KLHL32: variants seen among roughly 807,000 people sequenced by gnomAD.
KLHL32 encodes the protein kelch like family member 32, also known as kelch-like protein 32.
A neutral mutation model predicts 64.8 loss-of-function variants in KLHL32; 35 were observed. The observed-to-expected ratio is 0.54, with a 90% confidence interval of 0.41 to 0.72. The LOEUF is 0.72. Ranked by LOEUF, KLHL32 falls within the 30% of genes least tolerant of loss-of-function variation. The pLI, the probability that KLHL32 is intolerant of heterozygous loss-of-function variation, is 0.00. For synonymous variants in KLHL32, 259 were observed against 281.0 expected (o/e 0.92, Z 0.78); for missense variants, 589 against 768.5 (o/e 0.77, Z 2.76).
chr6:96,997,970 C>T (rs768696276), intron 3 of KLHL32, among the ~76,000 whole-genome samples: 18 of 152,124 alleles, frequency 1.2e-4, no homozygotes, highest in Non-Finnish European at 2.5e-4. Context: ...ACCATTTCTG[C>T]TTCTCAGAAA....
Position 97,097,480 on chromosome 6 carries a change from T to A in KLHL32, c.627+12139T>A, listed in dbSNP as rs146873293. On this transcript the variant is annotated intron_variant, in intron 6 of 10. Transcript: ENST00000369261. ...AAATGAGAACGTGCAGTCTTGGATA[T>A]TGCACGGATATAGTTTGGCTGTCAA... Among the ~76,000 whole-genome samples, 244 of 152,330 alleles carry A rather than the reference T, an allele frequency of 1.6e-3. 5 individuals are homozygous for A. In the South Asian group the frequency reaches 0.023, roughly 14 times the overall value.
chr6:97,103,988 C>T (rs1796084449), intron 6 of KLHL32, among the ~76,000 whole-genome samples: 1 of 152,124 alleles, frequency 6.6e-6, no homozygotes, highest in Non-Finnish European at 1.5e-5. Flanking sequence ...AAAATGAGAG[C>T]CAAATAACTG....
intron 4 of KLHL32, among the ~76,000 whole-genome samples, chr6:97,042,685 C>T (rs993765300): frequency 2.0e-5 from 3 of 152,090 alleles, no homozygotes; most frequent in Middle Eastern, 3.2e-3. Context: ...CTATACAATG[C>T]ATTATTATTT....
chr6:97,086,435 G>A (rs191307292), intron 6 of KLHL32, among the ~76,000 whole-genome samples: 40 of 152,192 alleles, frequency 2.6e-4, no homozygotes, highest in African/African-American at 7.9e-4. Context: ...GAGCTGCAGC[G>A]TCCTGAAGGC....
At chr6:97,030,158 G>C (rs1031714611) in intron 3 of KLHL32, among the ~76,000 whole-genome samples, 1 of 152,172 alleles carries the variant, frequency 6.6e-6, no homozygotes, top group Non-Finnish European at 1.5e-5. Context: ...CTCCAAAGCT[G>C]CACATAGTTT....
intron 4 of KLHL32, among the ~76,000 whole-genome samples, chr6:97,063,680 G>T (rs964670404): frequency 6.6e-6 from 1 of 152,162 alleles, no homozygotes; most frequent in East Asian, 1.9e-4. Context: ...AACACTAGTT[G>T]CCTCACCCTG....
chr6:97,033,386 ATG>A (rs937420010), intron 3 of KLHL32, among the ~76,000 whole-genome samples: 17 of 152,048 alleles, frequency 1.1e-4, no homozygotes, highest in African/African-American at 4.1e-4. Context: ...TAATGTTCGT[ATG>A]TGTGTGTATG....
At position 97,130,925 on chromosome 6, in the gene KLHL32, C is replaced by A; in HGVS notation, c.1582C>A (p.Arg528Ser). Residue 528 changes from arginine to serine, a missense_variant, in exon 9 of 11, where the codon CGT (arginine) becomes AGT (serine). By Grantham distance (110) the Arg-to-Ser change is moderately radical (BLOSUM62 -1). This residue lies in a region of KLHL32 where 172 missense variants were observed against 192.0 expected (regional missense o/e 0.90). Transcript: ENST00000369261. Reference protein sequence around the residue: ...SYNIDTDQWTRCNFNLLTGQN... With the variant: ...SYNIDTDQWTSCNFNLLTGQN... ...CAACATAGACACTGACCAGTGGACA[C>A]GTTGTAATTTCAACCTGCTGACTGG... is the stretch of plus-strand genomic sequence containing the variant. The A allele has an allele frequency of 6.2e-7, 1 of 1,611,868 alleles. No homozygotes were observed.
At chr6:96,916,589 G>T in the KLHL32 span, among the ~76,000 whole-genome samples, 6 of 152,124 alleles carry the variant, frequency 3.9e-5, no homozygotes, top group Non-Finnish European at 7.3e-5. Flanking sequence ...GAGTCCTTGG[G>T]TCAAACTGCT....
Position 97,069,160 on chromosome 6 carries a change from A to G in KLHL32, c.411+4434A>G, listed in dbSNP as rs568565788. ...CGAGTAAAGCAAAGCCCAAATTCTT[A>G]CTATTCTTCACTCAGAAGCCAAGGA... On this transcript the variant is annotated intron_variant, in intron 5 of 10. Coordinates refer to ENST00000369261, the MANE Select transcript of KLHL32 (RefSeq NM_052904.4). Among the ~76,000 whole-genome samples the G allele has an allele frequency of 2.0e-5, 3 of 152,196 alleles. No individual in the cohort carries two copies. In the East Asian group the frequency reaches 5.8e-4, roughly 29 times the overall value.
intron 5 of KLHL32, among the ~76,000 whole-genome samples, chr6:97,075,418 T>C (rs1223874575): frequency 1.3e-5 from 2 of 152,220 alleles, no homozygotes; most frequent in Admixed American, 1.3e-4. Context: ...TTTTATCATA[T>C]TACAAGTTAT....
chr6:97,108,199 C>T (rs1316965061), intron 6 of KLHL32, among the ~76,000 whole-genome samples: 2 of 152,270 alleles, frequency 1.3e-5, no homozygotes, highest in Non-Finnish European at 2.9e-5. Flanking sequence ...ACCAAAAATG[C>T]TGCATGCTCC....
intron 7 of KLHL32, among the ~76,000 whole-genome samples, chr6:97,115,972 T>C (rs1797765859): frequency 7.5e-6 from 1 of 133,832 alleles, no homozygotes; most frequent in Admixed American, 7.3e-5. Context: ...TGCACTTCTT[T>C]AAATTCATTT....
At chr6:97,111,851 C>G (rs560179749) in intron 6 of KLHL32, among the ~76,000 whole-genome samples, 1 of 152,208 alleles carries the variant, frequency 6.6e-6, no homozygotes, top group African/African-American at 2.4e-5. Flanking sequence ...TAATCTTCCC[C>G]TGAAGTCTGG....
At chr6:97,092,171 A>G (rs1208226451) in intron 6 of KLHL32, among the ~76,000 whole-genome samples, 1 of 151,938 alleles carries the variant, frequency 6.6e-6, no homozygotes, top group Non-Finnish European at 1.5e-5. Context: ...TTGTATTTTT[A>G]GTAGAGACAG....
At chr6:97,062,379 G>A (rs1348546139) in intron 4 of KLHL32, 6 of 152,190 alleles carry the variant, frequency 3.9e-5, no homozygotes. Context: ...CTCCTCTGAT[G>A]GGAGCTGCAC....
At chr6:97,043,727 G>A (rs891917754) in intron 4 of KLHL32, among the ~76,000 whole-genome samples, 5 of 146,186 alleles carry the variant, frequency 3.4e-5, no homozygotes, top group African/African-American at 5.3e-5. Context: ...ACTTGTTATC[G>A]ATTGTCTTTT....
chr6:97,110,384 A>C (rs1450277713), intron 6 of KLHL32, among the ~76,000 whole-genome samples: 1 of 152,174 alleles, frequency 6.6e-6, no homozygotes, highest in Non-Finnish European at 1.5e-5. Flanking sequence ...TAAGAGATGC[A>C]ATTCATGACG....
intron 6 of KLHL32, among the ~76,000 whole-genome samples, chr6:97,103,172 G>A (rs1458205543): frequency 6.6e-6 from 1 of 151,264 alleles, no homozygotes; most frequent in Non-Finnish European, 1.5e-5. Context: ...ACAGTCCAGA[G>A]GTAAAATATA....
Sources: allele counts gnomAD v4.1 joint callset (sites outside exome capture counted in the v4.1 genomes callset), GRCh38; gene constraint gnomAD v4.1.1; regional missense constraint gnomAD v4.1.1; transcripts MANE v1.5; gene names NCBI Gene and HGNC (gene_info 2026-07-23, HGNC 2026-07-21).